ROBO2: variants seen among roughly 807,000 people sequenced by gnomAD.
ROBO2 encodes roundabout homolog 2.
A neutral mutation model predicts 160.8 loss-of-function variants in ROBO2; 53 were observed. That is an observed-to-expected ratio of 0.33 (90% confidence interval 0.26 to 0.41). The LOEUF is 0.41. Among genes scored for constraint, ROBO2 ranks in the 10% least tolerant of loss-of-function variants. ROBO2 has a pLI of 1.00. For synonymous variants in ROBO2, 664 were observed against 611.7 expected, an observed-to-expected ratio of 1.09 and a Z score of -1.26; for missense variants, 1,577 against 1,722.4, an observed-to-expected ratio of 0.92 and a Z score of 1.49.
chr3:77,161,921 T>A (rs1314678493), intron 2 of ROBO2, among the ~76,000 whole-genome samples: 1 of 152,148 alleles, frequency 6.6e-6, no homozygotes, highest in African/African-American at 2.4e-5. Context: ...ATCCAAATTA[T>A]CTACAAAGTC....
intron 2 of ROBO2, among the ~76,000 whole-genome samples, chr3:76,083,675 TTCCCTC>T (rs2068913999): frequency 6.6e-6 from 1 of 152,120 alleles, no homozygotes; most frequent in South Asian, 2.1e-4. Flanking sequence ...ATCTGAAATG[TTCCCTC>T]CTGTCCCAAA....
Position 76,290,208 on chromosome 3 carries a change from TC to T in ROBO2, c.109+352607del, listed in dbSNP as rs201774983. ...CACTGTAGGGATCTTTTCACTGATT[TC>T]TTTCACCAGTGTTTTGTAATTCTCA... On this transcript the variant is annotated intron_variant, in intron 2 of 26. Transcript: ENST00000487694. 3.9e-3 allele frequency among the ~76,000 whole-genome samples: 595 copies of T among 152,282 alleles called. 6 individuals carry two copies. Among genetic ancestry groups the T allele is most frequent in the Admixed American group, 0.025 (377 of 15,288 alleles).
chr3:76,795,358 C>T (rs2063619669), intron 2 of ROBO2, among the ~76,000 whole-genome samples: 1 of 152,102 alleles, frequency 6.6e-6, no homozygotes, highest in Non-Finnish European at 1.5e-5. Flanking sequence ...GCATTTTACC[C>T]ACTGTAGAAC....
intron 2 of ROBO2, among the ~76,000 whole-genome samples, chr3:76,349,621 C>G (rs779722793): frequency 2.0e-5 from 3 of 152,056 alleles, no homozygotes; most frequent in Admixed American, 6.6e-5. Context: ...GTGCCAAGAA[C>G]TGGAAAGGGT....
At chr3:76,605,654 G>C (rs2087591499) in intron 2 of ROBO2, among the ~76,000 whole-genome samples, 1 of 152,132 alleles carries the variant, frequency 6.6e-6, no homozygotes, top group East Asian at 1.9e-4. Flanking sequence ...TTAGAGGAGG[G>C]AGCTGGGGAT....
intron 8 of ROBO2, among the ~76,000 whole-genome samples, chr3:77,551,960 A>G (rs2092935794): frequency 6.6e-6 from 1 of 152,034 alleles, no homozygotes; most frequent in Non-Finnish European, 1.5e-5. Context: ...TAAATAGAAC[A>G]GACAAACATT....
chr3:77,294,632 G>T (rs143339926), intron 2 of ROBO2, among the ~76,000 whole-genome samples: 1 of 148,906 alleles, frequency 6.7e-6, no homozygotes, highest in South Asian at 2.1e-4. Flanking sequence ...ACGGTTAAAC[G>T]GGTAAGCTGA....
intron 2 of ROBO2, among the ~76,000 whole-genome samples, chr3:76,317,630 A>G (rs2072148522): frequency 6.6e-6 from 1 of 152,182 alleles, no homozygotes; most frequent in Admixed American, 6.5e-5. Context: ...TCTGTATGCA[A>G]TAAATAGATT....
At chr3:77,417,319 C>CA (rs1392916579) in intron 2 of ROBO2, among the ~76,000 whole-genome samples, 2 of 148,228 alleles carry the variant, frequency 1.3e-5, no homozygotes, top group African/African-American at 5.0e-5. Flanking sequence ...GTTATATATT[C>CA]ACAGGCAATC....
chr3:76,191,124 A>G (rs1701985374), intron 2 of ROBO2, among the ~76,000 whole-genome samples: 1 of 152,154 alleles, frequency 6.6e-6, no homozygotes, highest in South Asian at 2.1e-4. Flanking sequence ...TAGACTACAG[A>G]GCAAGGAGAA....
chr3:77,609,904 A>G (rs1296373828), intron 21 of ROBO2, among the ~76,000 whole-genome samples: 2 of 150,216 alleles, frequency 1.3e-5, no homozygotes, highest in African/African-American at 4.9e-5. Flanking sequence ...CATTCTTACT[A>G]AAAATAGTGG....
At chr3:77,634,900 G>A (rs764613049) in exon 24 of ROBO2, 16 of 1,613,756 alleles carry the variant, frequency 9.9e-6, no homozygotes, top group South Asian at 4.4e-5. Context: ...CAAAGACCTC[G>A]ACCTACCAGC....
intron 2 of ROBO2, among the ~76,000 whole-genome samples, chr3:76,238,601 T>G (rs569873750): frequency 3.6e-5 from 5 of 138,174 alleles, no homozygotes; most frequent in Admixed American, 7.2e-5. Context: ...GAAAACCACC[T>G]CCATGATCTA....
At chr3:76,656,105 A>G (rs1043687864) in intron 2 of ROBO2, among the ~76,000 whole-genome samples, 6 of 152,120 alleles carry the variant, frequency 3.9e-5, no homozygotes, top group Admixed American at 3.9e-4. Context: ...AGCAAACAGT[A>G]AAATCTAGAA....
chr3:76,630,103 T>G (rs1247722224), intron 2 of ROBO2, among the ~76,000 whole-genome samples: 1 of 152,234 alleles, frequency 6.6e-6, no homozygotes, highest in East Asian at 1.9e-4. Context: ...TAATGTCATT[T>G]TGTTATAATG....
chr3:76,011,344 C>T (rs1022496495), intron 2 of ROBO2, among the ~76,000 whole-genome samples: 3 of 152,146 alleles, frequency 2.0e-5, no homozygotes, highest in African/African-American at 7.2e-5. Flanking sequence ...CCAAAATAGC[C>T]ACCAGAGCAA....
intron 2 of ROBO2, among the ~76,000 whole-genome samples, chr3:76,732,997 G>GC (rs879689312): frequency 7.7e-6 from 1 of 130,232 alleles, no homozygotes; most frequent in Non-Finnish European, 1.6e-5. Context: ...CTGGGGGTGG[G>GC]GGGGGGAGGT....
chr3:77,602,637 T>G (rs2094451067), intron 20 of ROBO2, 146 bp downstream of exon 21: 2 of 970,806 alleles, frequency 2.1e-6, no homozygotes, highest in Admixed American at 4.1e-5. Flanking sequence ...TCCAGTAACT[T>G]GAGTAATTCC....
intron 2 of ROBO2, among the ~76,000 whole-genome samples, chr3:76,479,925 C>A (rs1334373302): frequency 6.6e-6 from 1 of 152,036 alleles, no homozygotes. Flanking sequence ...TGGCTGAAAC[C>A]AGCAAATGAG....
Sources: gnomAD v4.1 joint callset for allele counts (sites outside exome capture counted in the v4.1 genomes callset) on GRCh38, gnomAD v4.1.1 for gene constraint, MANE v1.5 for transcripts, NCBI Gene and HGNC (gene_info 2026-07-23, HGNC 2026-07-21) for gene names.